Variants in OPCML observed in about 807,000 individuals in gnomAD.
OPCML encodes the protein opioid binding protein/cell adhesion molecule like, also known as opioid-binding protein/cell adhesion molecule.
OPCML carries 13 observed loss-of-function variants against 37.8 expected under a neutral mutation model. The ratio of observed to expected loss-of-function variants is 0.34; its 90% CI spans 0.22 to 0.55. The LOEUF (loss-of-function observed/expected upper bound fraction) is 0.55, where lower values mean the gene tolerates loss of function less well. Among genes scored for constraint, OPCML ranks in the 20% least tolerant of loss-of-function variants. The pLI, the probability that OPCML is intolerant of heterozygous loss-of-function variation, is 0.91. For synonymous variants in OPCML, 176 were observed against 168.8 expected, an observed-to-expected ratio of 1.04 and a Z score of -0.33; for missense variants, 341 against 435.6, an observed-to-expected ratio of 0.78 and a Z score of 1.93.
At chr11:133,346,832 A>G (rs777757397) in intron 1 of OPCML, among the ~76,000 whole-genome samples, 1 of 152,000 alleles carries the variant, frequency 6.6e-6, no homozygotes, top group Non-Finnish European at 1.5e-5. Flanking sequence ...TTTTCTGTGC[A>G]TGTGTGTGTG....
Position 133,186,183 on chromosome 11 carries a change from G to A in OPCML, c.62-243173C>T, listed in dbSNP as rs541824170. The stretch of plus-strand genomic sequence containing the variant: ...AAGTAGTCCCACTCTGAGGGAAGGC[G>A]AATCTCTTACCTAGGGCAATATGCA... On this transcript the variant is annotated intron_variant, in intron 1 of 7. Coordinates refer to ENST00000524381, the MANE Select transcript of OPCML (RefSeq NM_001012393.5). Among the ~76,000 whole-genome samples the A allele has an allele frequency of 2.5e-3, 381 of 152,276 alleles. 5 individuals carry two copies. The highest frequency in any genetic ancestry group is 3.0e-3 in the Non-Finnish European group (207 of 68,018).
intron 1 of OPCML, among the ~76,000 whole-genome samples, chr11:133,264,848 A>C (rs1160831398): frequency 6.6e-6 from 1 of 152,188 alleles, no homozygotes; most frequent in Non-Finnish European, 1.5e-5. Context: ...TCATTAAATA[A>C]ACTAAGTACT....
At chr11:132,488,092 C>T (rs895892008) in intron 4 of OPCML, among the ~76,000 whole-genome samples, 3 of 152,204 alleles carry the variant, frequency 2.0e-5, no homozygotes, top group African/African-American at 7.2e-5. Flanking sequence ...CCTCCCCAAC[C>T]GCATGCCTAT....
intron 1 of OPCML, among the ~76,000 whole-genome samples, chr11:133,295,431 A>T (rs988179960): frequency 1.3e-5 from 2 of 152,222 alleles, no homozygotes; most frequent in African/African-American, 4.8e-5. Context: ...ATACAGGAGC[A>T]TAGGCAGGAT....
At chr11:132,913,846 C>G (rs1944511081) in intron 2 of OPCML, among the ~76,000 whole-genome samples, 1 of 152,238 alleles carries the variant, frequency 6.6e-6, no homozygotes, top group African/African-American at 2.4e-5. Flanking sequence ...AGTCCTTTCT[C>G]TCAGCTCCAC....
In OPCML at chr11:132,765,643, T is replaced by C. The variant is rs139030633; in HGVS notation, c.147-108324A>G. On this transcript the variant is annotated intron_variant, in intron 2 of 7. Transcript: ENST00000524381. ...CTCAGATAGAAGCAGAGTCCAAATC[T>C]ATAACAGTCTTTTTCATCAATGAGG... Among the ~76,000 whole-genome samples, 603 of 152,330 alleles carry C rather than the reference T, an allele frequency of 4.0e-3. 7 individuals are homozygous for C. The highest frequency in any genetic ancestry group is 0.014 in the African/African-American group (580 of 41,576).
At chr11:132,711,186 T>C (rs1565796070) in intron 2 of OPCML, among the ~76,000 whole-genome samples, 1 of 152,214 alleles carries the variant, frequency 6.6e-6, no homozygotes, top group African/African-American at 2.4e-5. Context: ...ATTTTAAAAG[T>C]AAGCCCTTCT....
chr11:132,539,042 GA>G (rs1281649750), intron 3 of OPCML, among the ~76,000 whole-genome samples: 12 of 152,164 alleles, frequency 7.9e-5, no homozygotes, highest in Admixed American at 7.9e-4. Flanking sequence ...TATATTCATT[GA>G]AAACATTTTT....
At chr11:132,588,526 A>T (rs1399746110) in intron 3 of OPCML, among the ~76,000 whole-genome samples, 1 of 152,186 alleles carries the variant, frequency 6.6e-6, no homozygotes, top group Non-Finnish European at 1.5e-5. Context: ...CTGTTCCTAG[A>T]TGACTGCAAT....
In OPCML at chr11:133,208,978, A is replaced by G. The variant is rs530236817; in HGVS notation, c.62-265968T>C. On this transcript the variant is annotated intron_variant, in intron 1 of 7. Coordinates refer to ENST00000524381, the MANE Select transcript of OPCML (RefSeq NM_001012393.5). This position sits in a 1 kb window ranked among gnomAD's most constrained non-coding sequence, Gnocchi z 8.9. ...AACAATAATAAAAAAATTACCTGAA[A>G]TGCTGTCCTACATTCTCTTCACATG... Among the ~76,000 whole-genome samples, 1 of 152,298 alleles carries G rather than the reference A, an allele frequency of 6.6e-6. No homozygotes were observed. Among genetic ancestry groups the G allele is most frequent in the South Asian group, 2.1e-4 (1 of 4,818 alleles).
intron 4 of OPCML, among the ~76,000 whole-genome samples, chr11:132,490,918 C>A (rs1328350354): frequency 1.3e-5 from 2 of 152,094 alleles, no homozygotes; most frequent in Non-Finnish European, 2.9e-5. Context: ...TTTCCCCCTA[C>A]AAACTGCCCT....
intron 2 of OPCML, among the ~76,000 whole-genome samples, chr11:132,908,213 T>G (rs1385417702): frequency 6.6e-6 from 1 of 152,072 alleles, no homozygotes; most frequent in African/African-American, 2.4e-5. Flanking sequence ...GACAGGAGCA[T>G]GACAAATGAT....
At chr11:133,493,620 T>C (rs1344211045) in intron 1 of OPCML, among the ~76,000 whole-genome samples, 2 of 149,624 alleles carry the variant, frequency 1.3e-5, no homozygotes, top group Non-Finnish European at 3.0e-5. Flanking sequence ...TGTCTCCATT[T>C]AAAAAAAAAA....
At chr11:132,829,766 T>C (rs11223231) in intron 2 of OPCML, among the ~76,000 whole-genome samples, 45,707 of 152,090 alleles carry the variant, frequency 0.3, 8,026 homozygotes, top group Non-Finnish European at 0.41. Flanking sequence ...ATAGTCAAAA[T>C]CCATCAGGTA....
intron 7 of OPCML, among the ~76,000 whole-genome samples, chr11:132,424,657 G>T (rs561752906): frequency 1.3e-5 from 2 of 152,266 alleles, no homozygotes; most frequent in East Asian, 3.9e-4. Context: ...GACCCTGTGG[G>T]TTGCCAGCTC....
chr11:133,050,110 G>C (rs1204292090), intron 1 of OPCML, among the ~76,000 whole-genome samples: 1 of 152,144 alleles, frequency 6.6e-6, no homozygotes, highest in Admixed American at 6.5e-5. Context: ...CAGCCCCTGG[G>C]CCAGCACAGC....
intron 2 of OPCML, among the ~76,000 whole-genome samples, chr11:132,882,278 G>A (rs899951101): frequency 6.6e-6 from 1 of 152,182 alleles, no homozygotes; most frequent in Non-Finnish European, 1.5e-5. Context: ...GAAGGCAAAC[G>A]ACTTTTAAAC....
At chr11:133,029,453 T>C (rs1339789711) in intron 1 of OPCML, among the ~76,000 whole-genome samples, 7 of 152,124 alleles carry the variant, frequency 4.6e-5, no homozygotes, top group Admixed American at 6.6e-5. Flanking sequence ...ACAATAGCAA[T>C]GACATGGAAT....
chr11:132,951,258 T>C (rs902817059), intron 1 of OPCML, among the ~76,000 whole-genome samples: 1 of 152,088 alleles, frequency 6.6e-6, no homozygotes, highest in Non-Finnish European at 1.5e-5. Flanking sequence ...GCAGACTAGG[T>C]GGCCTCACAG....
Sources: gnomAD v4.1 joint callset for allele counts (sites outside exome capture counted in the v4.1 genomes callset) on GRCh38, gnomAD v4.1.1 for gene constraint, Gnocchi (gnomAD v3.1) non-coding constraint, MANE v1.5 for transcripts, NCBI Gene and HGNC (gene_info 2026-07-23, HGNC 2026-07-21) for gene names.